Variants in BNC2 observed in about 807,000 individuals in gnomAD.
BNC2 encodes zinc finger protein basonuclin-2.
A neutral mutation model predicts 76.3 loss-of-function variants in BNC2; 20 were observed. The observed-to-expected ratio is 0.26, with a 90% CI of 0.18 to 0.38. The LOEUF (loss-of-function observed/expected upper bound fraction) is 0.38, where lower values mean the gene tolerates loss of function less well. BNC2 is among the 10% of genes least tolerant of loss of function. BNC2 has a pLI of 1.00. For synonymous variants in BNC2, 582 were observed against 514.8 expected (o/e 1.13, Z -1.77); for missense variants, 1,382 against 1,399.8 (o/e 0.99, Z 0.20).
chr9:16,845,684 G>C (rs1818962094), intron 1 of BNC2, among the ~76,000 whole-genome samples: 1 of 152,024 alleles, frequency 6.6e-6, no homozygotes, highest in African/African-American at 2.4e-5. Flanking sequence ...TCGCACCTCT[G>C]CACTCCAGCC....
At chr9:16,528,688 G>T (rs185752260) in intron 5 of BNC2, among the ~76,000 whole-genome samples, 22 of 152,210 alleles carry the variant, frequency 1.4e-4, no homozygotes, top group African/African-American at 5.3e-4. Flanking sequence ...CACATATAAG[G>T]ATATTTCCTA....
chr9:16,669,015 G>A (rs1050490341), intron 3 of BNC2, among the ~76,000 whole-genome samples: 3 of 151,862 alleles, frequency 2.0e-5, no homozygotes, highest in Middle Eastern at 3.2e-3. Flanking sequence ...CAAGACACAC[G>A]ATTTTCATAT....
intron 5 of BNC2, among the ~76,000 whole-genome samples, chr9:16,469,989 A>AT (rs1821786293): frequency 2.3e-5 from 3 of 128,318 alleles, no homozygotes; most frequent in Admixed American, 8.2e-5. Context: ...TGCTAATGGC[A>AT]TTCTTTTTTT....
At chr9:16,694,841 C>T (rs182491182) in intron 3 of BNC2, among the ~76,000 whole-genome samples, 12 of 152,126 alleles carry the variant, frequency 7.9e-5, no homozygotes, top group Admixed American at 2.6e-4. Context: ...AATGTGCAAA[C>T]GCATACAAAG....
intron 3 of BNC2, among the ~76,000 whole-genome samples, chr9:16,588,440 T>C (rs1819832300): frequency 6.6e-6 from 1 of 152,230 alleles, no homozygotes; most frequent in Non-Finnish European, 1.5e-5. Flanking sequence ...ATTTCTGTTT[T>C]ACTATTATGG....
chr9:16,640,912 A>AG (rs1821475619), intron 3 of BNC2, among the ~76,000 whole-genome samples: 1 of 152,194 alleles, frequency 6.6e-6, no homozygotes, highest in Non-Finnish European at 1.5e-5. Flanking sequence ...TACTTTAGAA[A>AG]GAGAGGTGTC....
chr9:16,500,236 G>C (rs1212482816), intron 5 of BNC2, among the ~76,000 whole-genome samples: 3 of 151,956 alleles, frequency 2.0e-5, no homozygotes, highest in Non-Finnish European at 1.5e-5. Flanking sequence ...CTCAACTCAA[G>C]TCTGATGTGT....
At chr9:16,844,979 C>T (rs1041141556) in intron 1 of BNC2, among the ~76,000 whole-genome samples, 7 of 152,128 alleles carry the variant, frequency 4.6e-5, no homozygotes, top group South Asian at 4.1e-4. Flanking sequence ...AACAAAACAT[C>T]GCCCAAGATT....
intron 3 of BNC2, among the ~76,000 whole-genome samples, chr9:16,586,555 CT>C (rs1409966919): frequency 6.6e-6 from 1 of 152,214 alleles, no homozygotes. Flanking sequence ...CATTCCTGGG[CT>C]GTAGAGACTG....
rs78729750 is a variant in BNC2 at position 16,547,451 on chromosome 9, A to G, written c.669+5079T>C. Among the ~76,000 whole-genome samples the G allele has an allele frequency of 5.3e-5, 8 of 152,362 alleles. No individual in the cohort carries two copies. The East Asian group carries it at 1.5e-3, about 29-fold the overall frequency. On this transcript the variant is annotated intron_variant, in intron 5 of 6. Coordinates refer to ENST00000380672, the MANE Select transcript of BNC2 (RefSeq NM_017637.6). ...CCAAGCTAAACAGGTTTCCCTAGCC[A>G]TTCACTTAACAAATACTTATTCAGT...
intron 1 of BNC2, among the ~76,000 whole-genome samples, chr9:16,741,835 G>A (rs1378477510): frequency 2.0e-5 from 3 of 151,326 alleles, no homozygotes; most frequent in Admixed American, 6.6e-5. Context: ...GTACACGCCT[G>A]TAGTTCCAGC....
chr9:16,660,688 C>G (rs1388909081), intron 3 of BNC2, among the ~76,000 whole-genome samples: 1 of 152,048 alleles, frequency 6.6e-6, no homozygotes, highest in Non-Finnish European at 1.5e-5. Context: ...ACAATAGGCC[C>G]TCTGTATCTG....
chr9:16,680,157 G>GGTAA (rs1296048743), intron 3 of BNC2, among the ~76,000 whole-genome samples: 1 of 152,044 alleles, frequency 6.6e-6, no homozygotes, highest in Non-Finnish European at 1.5e-5. Flanking sequence ...GGCAACTTGT[G>GGTAA]GTAAATGGTT....
intron 3 of BNC2, among the ~76,000 whole-genome samples, chr9:16,591,699 A>C (rs1177252396): frequency 1.3e-5 from 2 of 152,230 alleles, no homozygotes; most frequent in Non-Finnish European, 2.9e-5. Context: ...TAATAGTAAC[A>C]GCAGCAAATG....
chr9:16,598,542 G>C (rs535005570), intron 3 of BNC2, among the ~76,000 whole-genome samples: 1 of 152,298 alleles, frequency 6.6e-6, no homozygotes, highest in South Asian at 2.1e-4. Context: ...GGCTGTGGCA[G>C]AATGAACTCA....
intron 4 of BNC2, among the ~76,000 whole-genome samples, chr9:16,570,117 A>G (rs1819278752): frequency 6.6e-6 from 1 of 152,202 alleles, no homozygotes; most frequent in South Asian, 2.1e-4. Context: ...AAAGGAACAT[A>G]TATCTATATA....
chr9:16,616,262 C>T (rs1490149368), intron 3 of BNC2, among the ~76,000 whole-genome samples: 1 of 152,016 alleles, frequency 6.6e-6, no homozygotes, highest in Admixed American at 6.6e-5. Flanking sequence ...CCTGGTAGTG[C>T]ATACCTATAG....
At chr9:16,803,531 C>A (rs1167862515) in intron 1 of BNC2, among the ~76,000 whole-genome samples, 4 of 152,092 alleles carry the variant, frequency 2.6e-5, no homozygotes, top group African/African-American at 9.7e-5. Flanking sequence ...CTGCTGGTAA[C>A]GGTAATGGGG....
chr9:16,641,734 T>A (rs1229083137), intron 3 of BNC2, among the ~76,000 whole-genome samples: 2 of 152,144 alleles, frequency 1.3e-5, no homozygotes, highest in African/African-American at 2.4e-5. Flanking sequence ...ATGGATTAAA[T>A]GAAATAAAGC....
Sources: allele counts gnomAD v4.1 joint callset (sites outside exome capture counted in the v4.1 genomes callset), GRCh38; gene constraint gnomAD v4.1.1; transcripts MANE v1.5; gene names NCBI Gene and HGNC (gene_info 2026-07-23, HGNC 2026-07-21).